PGPEP1: variants seen among roughly 807,000 people sequenced by gnomAD.
The protein encoded by PGPEP1 is pyroglutamyl-peptidase 1.
A neutral mutation model predicts 24.1 loss-of-function variants in PGPEP1; 15 were observed. That is an observed-to-expected ratio of 0.62 (90% CI 0.42 to 0.96). The LOEUF is 0.96. PGPEP1 is among the 40% of genes least tolerant of loss of function. The pLI is 0.00. For synonymous variants in PGPEP1, 122 were observed against 116.4 expected (o/e 1.05, Z -0.31); for missense variants, 242 against 273.4 (o/e 0.89, Z 0.81).
intron 1 of PGPEP1, among the ~76,000 whole-genome samples, chr19:18,342,464 C>G (rs1408521040): frequency 6.6e-6 from 1 of 152,168 alleles, no homozygotes; most frequent in Non-Finnish European, 1.5e-5. Context: ...TCTAGACAGC[C>G]TGGAGGGCTC....
chr19:18,358,223 A>G (rs1971243437), intron 4 of PGPEP1, among the ~76,000 whole-genome samples: 1 of 126,702 alleles, frequency 7.9e-6, no homozygotes, highest in Non-Finnish European at 1.7e-5. Flanking sequence ...ACCAGTCATT[A>G]TATTTAGGAC....
intron 1 of PGPEP1, among the ~76,000 whole-genome samples, chr19:18,342,484 T>C (rs552007406): frequency 2.6e-5 from 4 of 152,218 alleles, no homozygotes; most frequent in African/African-American, 9.6e-5. Context: ...CATTCCTCAT[T>C]TGGTGCCGAT....
At chr19:18,363,033 T>TTTTGTGTGTGTGTGTG (rs375117395) in intron 4 of PGPEP1, among the ~76,000 whole-genome samples, 4 of 136,686 alleles carry the variant, frequency 2.9e-5, no homozygotes, top group African/African-American at 1.1e-4. Context: ...TTTTTTTTGT[T>TTTTGTGTGTGTGTGTG]TGTGTGTGTG....
At chr19:18,345,884 CA>C (rs1430805427) in intron 2 of PGPEP1, among the ~76,000 whole-genome samples, 1 of 151,570 alleles carries the variant, frequency 6.6e-6, no homozygotes, top group Non-Finnish European at 1.5e-5. Context: ...ACTAAAAATA[CA>C]AAAATTAGCC....
chr19:18,363,322 CTTGG>C, intron 4 of PGPEP1, 65 bp from the exon 5 acceptor site: 13 of 1,323,670 alleles, frequency 9.8e-6, no homozygotes, highest in Non-Finnish European at 1.4e-5. Flanking sequence ...GTGCTGTCAC[CTTGG>C]TCTACGGATT....
intron 2 of PGPEP1, among the ~76,000 whole-genome samples, chr19:18,347,488 A>G (rs558195930): frequency 2.1e-5 from 3 of 144,770 alleles, no homozygotes; most frequent in Non-Finnish European, 4.6e-5. Flanking sequence ...CTTCCTCTCT[A>G]TCTTTGTTAA....
chr19:18,351,994 G>A (rs1297717497), intron 2 of PGPEP1, among the ~76,000 whole-genome samples: 2 of 151,662 alleles, frequency 1.3e-5, no homozygotes, highest in African/African-American at 2.4e-5. Flanking sequence ...GGTGTTGGCC[G>A]GGCGCGGTGG....
rs139406288 is a variant in PGPEP1 at position 18,345,504 on chromosome 19, G to A, written c.87+2593G>A. 3.9e-4 allele frequency among the ~76,000 whole-genome samples: 59 copies of A among 151,726 alleles called. 1 individual carries two copies. In the East Asian group the frequency reaches 0.011, roughly 28 times the overall value. The stretch of plus-strand genomic sequence containing the variant: ...GCTTGTAATCCCAGCACTTTGGGAG[G>A]CTGAGGCAAGGAGTTCGAGACTATC... On this transcript the variant is annotated intron_variant, in intron 2 of 4. Coordinates refer to ENST00000269919, the MANE Select transcript of PGPEP1 (RefSeq NM_017712.4).
At chr19:18,352,453 A>C (rs994209908) in intron 2 of PGPEP1, among the ~76,000 whole-genome samples, 10 of 151,926 alleles carry the variant, frequency 6.6e-5, no homozygotes, top group Non-Finnish European at 1.3e-4. Context: ...GAAAGAAAGA[A>C]ACAGGTCTAC....
chr19:18,362,145 G>A (rs940767416), intron 4 of PGPEP1, among the ~76,000 whole-genome samples: 5 of 151,772 alleles, frequency 3.3e-5, no homozygotes, highest in East Asian at 2.0e-4. Context: ...GGTGGCTCAC[G>A]CCTGTAATCC....
intron 3 of PGPEP1, among the ~76,000 whole-genome samples, chr19:18,356,583 C>CA (rs1157540351): frequency 1.3e-5 from 2 of 151,736 alleles, no homozygotes; most frequent in South Asian, 2.1e-4. Context: ...CCCATCTCTA[C>CA]AAAAAAATTT....
chr19:18,358,577 A>G (rs1971257690), intron 4 of PGPEP1, among the ~76,000 whole-genome samples: 1 of 145,874 alleles, frequency 6.9e-6, no homozygotes, highest in Admixed American at 6.9e-5. Context: ...TCTTAATTTA[A>G]CTAATTACAT....
intron 3 of PGPEP1, among the ~76,000 whole-genome samples, chr19:18,357,140 A>G (rs918998311): frequency 6.6e-6 from 1 of 152,240 alleles, no homozygotes; most frequent in African/African-American, 2.4e-5. Context: ...TGTTTGCAGT[A>G]TTTGATTTTG....
At position 18,342,289 on chromosome 19, in the gene PGPEP1, A is replaced by C. The variant is rs62122389; in HGVS notation, c.35-570A>C. On this transcript the variant is annotated intron_variant, in intron 1 of 4. Coordinates refer to ENST00000269919, the MANE Select transcript of PGPEP1 (RefSeq NM_017712.4). ...AGCTAGCTTCACCTCTCTGTGCCTC[A>C]GTCCCTGCTCCTGGAAACTGGGCCT... 4.1e-3 allele frequency among the ~76,000 whole-genome samples: 618 copies of C among 152,246 alleles called. 4 individuals are homozygous for C. Among genetic ancestry groups the C allele is most frequent in the Admixed American group, 8.3e-3 (126 of 15,264 alleles).
At chr19:18,359,789 A>G (rs1971290715) in intron 4 of PGPEP1, among the ~76,000 whole-genome samples, 1 of 151,992 alleles carries the variant, frequency 6.6e-6, no homozygotes, top group Non-Finnish European at 1.5e-5. Context: ...CTGGGATTAT[A>G]GGCCTGAGCC....
chr19:18,360,431 A>T (rs983181463), intron 4 of PGPEP1, among the ~76,000 whole-genome samples: 1 of 152,166 alleles, frequency 6.6e-6, no homozygotes, highest in East Asian at 1.9e-4. Flanking sequence ...ATCACAGCTC[A>T]TTGCAGCCTT....
chr19:18,349,090 CAT>C, intron 2 of PGPEP1: 2 of 983,982 alleles, frequency 2.0e-6, no homozygotes, highest in South Asian at 4.7e-5. Context: ...CAAACACACA[CAT>C]GAACACCTCT....
intron 1 of PGPEP1, among the ~76,000 whole-genome samples, chr19:18,341,930 G>A (rs563525431): frequency 1.3e-5 from 2 of 150,550 alleles, no homozygotes; most frequent in Non-Finnish European, 3.0e-5. Context: ...TTTTTGAGAC[G>A]GAGTTTTGCT....
intron 2 of PGPEP1, among the ~76,000 whole-genome samples, chr19:18,350,553 T>A (rs1443030903): frequency 6.6e-6 from 1 of 152,222 alleles, no homozygotes; most frequent in Non-Finnish European, 1.5e-5. Context: ...GCATGAGAAG[T>A]TTGCATGAGG....
Sources: allele counts gnomAD v4.1 joint callset (sites outside exome capture counted in the v4.1 genomes callset), GRCh38; gene constraint gnomAD v4.1.1; transcripts MANE v1.5; gene names NCBI Gene and HGNC (gene_info 2026-07-23, HGNC 2026-07-21).